KLF11: variants seen among roughly 807,000 people sequenced by gnomAD.
The protein encoded by KLF11 is Krueppel-like factor 11.
Under a neutral mutation model 29.9 loss-of-function variants are expected in KLF11, and 26 were observed. The ratio of observed to expected loss-of-function variants is 0.87; its 90% CI spans 0.64 to 1.21. KLF11 has a LOEUF of 1.21. KLF11 is among the 50% of genes most tolerant of loss of function. The pLI, the probability that KLF11 is intolerant of heterozygous loss-of-function variation, is 0.00. For missense variants in KLF11, 778 were observed against 665.7 expected (o/e 1.17, Z -1.86); for synonymous variants, 318 against 257.4 (o/e 1.24, Z -2.25).
intron 1 of KLF11, among the ~76,000 whole-genome samples, chr2:10,045,468 G>C (rs936948892): frequency 2.0e-5 from 3 of 152,116 alleles, no homozygotes; most frequent in Non-Finnish European, 4.4e-5. Flanking sequence ...CTGCACTCCA[G>C]CCTGGGCAAC....
chr2:10,048,269 T>C lies in KLF11; in HGVS notation c.932T>C (p.Val311Ala), dbSNP rs752317241. The stretch of plus-strand genomic sequence containing the variant: ...TTGAAGCCCCCTCCCCAGTTGTCTG[T>C]GGGGACTGTGAGACCCATCCTAGCT... ...AFLKPPPQLS[V>A]GTVRPILAQA... is the part of the protein sequence containing the mutation. The change falls in exon 3 of 4, where the codon GTG (valine) becomes GCG (alanine). Residue 311 changes from valine to alanine, a missense_variant. Physicochemically the swap from Val to Ala is moderately conservative, Grantham distance 64. Coordinates refer to ENST00000305883, the MANE Select transcript of KLF11 (RefSeq NM_003597.5). 4.4e-6 allele frequency: 7 copies of C among 1,608,040 alleles called. No homozygotes were observed. The highest frequency in any genetic ancestry group is 8.5e-7 in the Non-Finnish European group (1 of 1,176,346).
At position 10,048,284 on chromosome 2, in the gene KLF11, C is replaced by G; in HGVS notation, c.947C>G (p.Pro316Arg). The stretch of plus-strand genomic sequence containing the variant: ...CAGTTGTCTGTGGGGACTGTGAGAC[C>G]CATCCTAGCTCAGGCTGCTCCAGCG... The part of the protein sequence containing the change: ...PPQLSVGTVR[P>R]ILAQAAPAPQ... Residue 316 changes from proline to arginine, a missense_variant, in exon 3 of 4, where the codon CCC becomes CGC. Physicochemically the swap from Pro to Arg is moderately radical, Grantham distance 103. Transcript: ENST00000305883. The G allele has an allele frequency of 6.2e-7, 1 of 1,604,272 alleles. No individual in the cohort carries two copies. The highest frequency in any genetic ancestry group is 8.5e-7 in the Non-Finnish European group (1 of 1,174,112).
intron 2 of KLF11, 44 bp downstream of exon 2, chr2:10,046,463 G>A: frequency 1.9e-6 from 3 of 1,601,070 alleles, no homozygotes. Context: ...GAAATGACTA[G>A]AGTAGCTGAA....
At chr2:10,044,470 C>T (rs1051384477) in intron 1 of KLF11, 2 of 984,112 alleles carry the variant, frequency 2.0e-6, no homozygotes, top group African/African-American at 1.7e-5. Context: ...GCCTCGGCGC[C>T]CGGTTCTGTG....
rs542437742 is a variant in KLF11, at chr2:10,053,229, T to G, written c.*722T>G. 1 of 398,862 alleles carries G rather than the reference T, an allele frequency of 2.5e-6. No individual in the cohort carries two copies. Among genetic ancestry groups the G allele is most frequent in the South Asian group, 1.3e-4 (1 of 7,864 alleles). 24.7% of individuals were successfully genotyped at this position (398,862 alleles called of 1,614,324 possible). A position where few individuals can be genotyped will look rare whatever the true frequency, so the allele number is the denominator to read the frequency against. The stretch of plus-strand genomic sequence containing the variant: ...TGTCCATGGTGTGTCATGAAGGATG[T>G]ACCCCAGAGAGTAACATGAGCCACT... On this transcript the variant is annotated 3_prime_UTR_variant, in exon 4 of 4. Coordinates refer to ENST00000305883, the MANE Select transcript of KLF11 (RefSeq NM_003597.5).
At position 10,048,147 on chromosome 2, in the gene KLF11, GA is replaced by G; in HGVS notation, c.814del (p.Thr272ProfsTer4). 1 of 1,614,186 alleles carries G rather than the reference GA, an allele frequency of 6.2e-7. No homozygotes were observed. The highest frequency in any genetic ancestry group is 8.5e-7 in the Non-Finnish European group (1 of 1,180,020). On this transcript the variant is annotated frameshift_variant, in exon 3 of 4. Transcript: ENST00000305883. LOFTEE classifies it high-confidence loss of function. Reference protein sequence around the residue: ...PKNYENDLPRKTTPLISVSVP... With the variant: ...PKNYENDLPRXTTPLISVSVP... ...AGAATTATGAAAATGACCTGCCCAGGAAAACCACCCCTCTGATTTCTGTCTC... is the reference window on the plus strand; with the variant it reads ...AGAATTATGAAAATGACCTGCCCAGGAAACCACCCCTCTGATTTCTGTCTC...
chr2:10,050,139 G>T (rs1572443685), intron 3 of KLF11, among the ~76,000 whole-genome samples: 1 of 152,108 alleles, frequency 6.6e-6, no homozygotes, highest in South Asian at 2.1e-4. Context: ...CCTTGTACAG[G>T]GGCTCACGCC....
Position 10,052,273 on chromosome 2 carries a change from T to G in KLF11, c.1305T>G (p.Phe435Leu). The G allele has an allele frequency of 1.2e-6, 2 of 1,614,204 alleles. No individual in the cohort carries two copies. The highest frequency in any genetic ancestry group is 1.7e-6 in the Non-Finnish European group (2 of 1,180,044). Residue 435 changes from phenylalanine (F) to leucine (L), a missense_variant, in exon 4 of 4, where the codon TTT becomes TTG. Transcript: ENST00000305883. ...GCTGGGATGGCTGTGATAAAAAGTT[T>G]GCTCGTTCGGATGAGCTGTCACGCC... ...NCSWDGCDKK[F>L]ARSDELSRHR...
chr2:10,043,922 GCGGCGGCCGCGACGGGCGCGCCCGGGT>G (rs1308992872), intron 1 of KLF11, 164 bp downstream of exon 1: 7 of 1,015,532 alleles, frequency 6.9e-6, no homozygotes, highest in South Asian at 4.6e-5. Flanking sequence ...GCCGGGCGGG[GCGGCGGCCGCGACGGGCGCGCCCGGGT>G]CGGCGGGGGC....
chr2:10,045,147 A>G (rs1661150673), intron 1 of KLF11, among the ~76,000 whole-genome samples: 2 of 143,600 alleles, frequency 1.4e-5, no homozygotes, highest in African/African-American at 5.2e-5. Flanking sequence ...CTCTGTCTCA[A>G]AAAAACAAGG....
At position 10,052,363 on chromosome 2, in the gene KLF11, C is replaced by T; in HGVS notation, c.1395C>T (p.Arg465=). ...VCPVCDRRFM[R]SDHLTKHARR... ...CGGTGTGTGACCGACGTTTCATGCG[C>T]AGTGACCACCTGACGAAGCATGCCC... is the stretch of plus-strand genomic sequence containing the variant. Residue 465 remains arginine, a synonymous_variant, in exon 4 of 4, where the codon CGC becomes CGT. Transcript: ENST00000305883. 1 of 1,614,126 alleles carries T rather than the reference C, an allele frequency of 6.2e-7. No individual in the cohort carries two copies. Among genetic ancestry groups the T allele is most frequent in the Non-Finnish European group, 8.5e-7 (1 of 1,180,034 alleles).
chr2:10,046,474 C>G lies in KLF11; in HGVS notation c.312+55C>G, dbSNP rs917323325. 51 of 1,583,320 alleles carry G rather than the reference C, an allele frequency of 3.2e-5. 2 individuals are homozygous for G. The African/African-American group carries it at 5.5e-4, about 17-fold the overall frequency. On this transcript the variant is annotated intron_variant, in intron 2 of 3. Coordinates refer to ENST00000305883, the MANE Select transcript of KLF11 (RefSeq NM_003597.5). The stretch of plus-strand genomic sequence containing the variant: ...TTGTGAAATGACTAGAGTAGCTGAA[C>G]TCAGTGTGTTGAAGAACTTGTGAGA...
Position 10,043,755 on chromosome 2 carries a change from C to A in KLF11, c.39C>A (p.Arg13=). Residue 13 remains arginine (R), a synonymous_variant, in exon 1 of 4, where the codon CGC becomes CGA. Coordinates refer to ENST00000305883, the MANE Select transcript of KLF11 (RefSeq NM_003597.5). ...ACTTCGCAGGCCCAGACGACGCGCG[C>A]GCAGTGAGTGGTGGGGCTGCCGCGG... ...TPDFAGPDDA[R]AVDIMDICES... is the part of the protein sequence containing the mutation. 7.2e-7 allele frequency: 1 copy of A among 1,382,850 alleles called. No homozygotes were observed. The allele number at this position is 1,382,850 out of a possible 1,614,324, so 85.7% of individuals were successfully genotyped here.
intron 3 of KLF11, among the ~76,000 whole-genome samples, chr2:10,050,163 C>T (rs1460602558): frequency 2.0e-5 from 3 of 152,210 alleles, no homozygotes; most frequent in Non-Finnish European, 4.4e-5. Flanking sequence ...CATCCCAGCA[C>T]TTTGGGAGGC....
chr2:10,054,773 A>G lies in KLF11; in HGVS notation c.*2266A>G, dbSNP rs1661505573. ...GTTTTATGTAACAGACTTTGACATT[A>G]TTTAAACGAGCATGTGTAATGTAAC... is the stretch of plus-strand genomic sequence containing the variant. On this transcript the variant is annotated 3_prime_UTR_variant, in exon 4 of 4. Coordinates refer to ENST00000305883, the MANE Select transcript of KLF11 (RefSeq NM_003597.5). The G allele has an allele frequency of 6.6e-6, 1 of 152,626 alleles. No individual in the cohort carries two copies. Among genetic ancestry groups the G allele is most frequent in the Non-Finnish European group, 1.5e-5 (1 of 68,046 alleles). The allele number at this position is 152,626 out of a possible 1,614,324, so 9.5% of individuals were successfully genotyped here.
Position 10,046,303 on chromosome 2 carries a change from C to T in KLF11, c.196C>T (p.Leu66=), listed in dbSNP as rs771505792. 29 of 1,614,052 alleles carry T rather than the reference C, an allele frequency of 1.8e-5. No individual in the cohort carries two copies. The East Asian group carries it at 6.5e-4, about 36-fold the overall frequency. ...SWGQRSQKGD[L]LRIRPLTPVS... ...GGGTCAAAGATCCCAGAAAGGTGAC[C>T]TGTTGCGGATAAGACCCCTCACGCC... Residue 66 remains leucine, a synonymous_variant, in exon 2 of 4, where the codon CTG becomes TTG. Transcript: ENST00000305883.
At chr2:10,044,121 GGGGGCGGGGC>G (rs1661099180) in intron 1 of KLF11, 1 of 136,332 alleles carries the variant, frequency 7.3e-6, no homozygotes, top group Non-Finnish European at 8.8e-6. Context: ...ACGCGGCCTT[GGGGGCGGGGC>G]AAGAGCTGCT....
chr2:10,046,505 C>T (rs1661208553), intron 2 of KLF11, 86 bp downstream of exon 2: 4 of 1,450,140 alleles, frequency 2.8e-6, no homozygotes, highest in East Asian at 2.3e-5. Context: ...TGAGAAGATT[C>T]CCTGGGATGC....
In KLF11 at chr2:10,044,259, G is replaced by A. The variant is rs1378745213; in HGVS notation, c.42+501G>A. ...GGCAAGGTCTAGGGGCCGGGGCAAC[G>A]ACGGGAGGCGGGAGCGCCGCACTGC... On this transcript the variant is annotated intron_variant, in intron 1 of 3. Transcript: ENST00000305883. 8 of 980,128 alleles carry A rather than the reference G, an allele frequency of 8.2e-6. No homozygotes were observed. In the Admixed American group the frequency reaches 2.5e-4, roughly 30 times the overall value. 60.7% of individuals were successfully genotyped at this position (980,128 alleles called of 1,614,324 possible).
Sources: gnomAD v4.1 joint callset for allele counts (sites outside exome capture counted in the v4.1 genomes callset) on GRCh38, gnomAD v4.1.1 for gene constraint, MANE v1.5 for transcripts, NCBI Gene and HGNC (gene_info 2026-07-23, HGNC 2026-07-21) for gene names.